Variants in PALLD observed in about 807,000 individuals in gnomAD.
The protein encoded by PALLD is palladin.
Under a neutral mutation model 123.5 loss-of-function variants are expected in PALLD, and 61 were observed. The observed-to-expected ratio is 0.49, with a 90% CI of 0.40 to 0.61. The LOEUF (loss-of-function observed/expected upper bound fraction) is 0.61. Ranked by LOEUF, PALLD falls within the 20% of genes least tolerant of loss-of-function variation. The probability of loss-of-function intolerance (pLI) is 0.00; values close to 1 mark genes in which losing one functional copy is unlikely to be tolerated. For missense variants in PALLD, 1,273 were observed against 1,377.0 expected (o/e 0.92, Z 1.20); for synonymous variants, 465 against 496.4 (o/e 0.94, Z 0.84).
At chr4:168,780,668 T>G (rs1246394673) in intron 10 of PALLD, among the ~76,000 whole-genome samples, 1 of 152,100 alleles carries the variant, frequency 6.6e-6, no homozygotes, top group Non-Finnish European at 1.5e-5. Context: ...TGCCCGCATG[T>G]GTAGTTTTGG....
At chr4:168,630,153 A>T (rs1775677168) in intron 2 of PALLD, among the ~76,000 whole-genome samples, 1 of 152,164 alleles carries the variant, frequency 6.6e-6, no homozygotes, top group African/African-American at 2.4e-5. Context: ...CTTGCTGGAG[A>T]TGAGAAAGGT....
intron 10 of PALLD, chr4:168,878,167 A>AC: frequency 3.5e-6 from 3 of 851,674 alleles, no homozygotes; most frequent in Admixed American, 4.0e-5. Flanking sequence ...CGCCCCCGCC[A>AC]CCCCCGGTCT....
At chr4:168,671,466 G>A (rs1780269560) in intron 3 of PALLD, among the ~76,000 whole-genome samples, 1 of 152,154 alleles carries the variant, frequency 6.6e-6, no homozygotes, top group African/African-American at 2.4e-5. Context: ...ACACCTTTGG[G>A]TACCTCTGAC....
chr4:168,822,973 G>C (rs1742932929), intron 10 of PALLD, among the ~76,000 whole-genome samples: 1 of 152,018 alleles, frequency 6.6e-6, no homozygotes, highest in South Asian at 2.1e-4. Flanking sequence ...AGATACCCAA[G>C]GATAGGGCTG....
intron 10 of PALLD, among the ~76,000 whole-genome samples, chr4:168,888,492 G>A (rs2151179992): frequency 6.6e-6 from 1 of 152,222 alleles, no homozygotes; most frequent in East Asian, 1.9e-4. Context: ...GGCACATATG[G>A]GTTCTCCTCT....
chr4:168,838,414 T>C (rs1014682129), intron 10 of PALLD, among the ~76,000 whole-genome samples: 3 of 152,054 alleles, frequency 2.0e-5, no homozygotes, highest in Non-Finnish European at 4.4e-5. Context: ...TGCTTCTGTT[T>C]TCTTAGTGGA....
intron 2 of PALLD, among the ~76,000 whole-genome samples, chr4:168,565,726 A>T (rs1164336121): frequency 6.6e-6 from 1 of 152,178 alleles, no homozygotes; most frequent in Non-Finnish European, 1.5e-5. Flanking sequence ...ATTAGTGAAT[A>T]ATATACTTTA....
intron 10 of PALLD, among the ~76,000 whole-genome samples, chr4:168,849,283 T>A (rs1747384194): frequency 6.6e-6 from 1 of 152,228 alleles, no homozygotes. Flanking sequence ...CAGCTTTCTG[T>A]TAAAGACTCA....
At position 168,878,477 on chromosome 4, in the gene PALLD, C is replaced by T. The variant is rs540369278; in HGVS notation, c.1965-12445C>T. 49 of 1,058,902 alleles carry T rather than the reference C, an allele frequency of 4.6e-5. No homozygotes were observed. The African/African-American group carries it at 7.5e-4, about 16-fold the overall frequency. 65.6% of individuals were successfully genotyped at this position (1,058,902 alleles called of 1,614,324 possible). A position where few individuals can be genotyped will look rare whatever the true frequency, so the allele number is the denominator to read the frequency against. On this transcript the variant is annotated intron_variant, in intron 10 of 21. Coordinates refer to ENST00000505667, the MANE Select transcript of PALLD (RefSeq NM_001166108.2). Reference sequence around the variant, plus strand: ...ACTCCCACATCTCCATACACGCGCTCCCATCAGCCTGCAACCCAGAGCGCC... The same window carrying T: ...ACTCCCACATCTCCATACACGCGCTTCCATCAGCCTGCAACCCAGAGCGCC...
At chr4:168,683,432 A>G (rs1219986022) in intron 5 of PALLD, among the ~76,000 whole-genome samples, 1 of 152,204 alleles carries the variant, frequency 6.6e-6, no homozygotes, top group East Asian at 1.9e-4. Flanking sequence ...TCTTTCATAT[A>G]GCCAAATTTA....
chr4:168,786,059 G>A (rs1305327947), intron 10 of PALLD, among the ~76,000 whole-genome samples: 3 of 151,956 alleles, frequency 2.0e-5, no homozygotes. Context: ...GCCGGGCGCA[G>A]TGGCTCATGC....
At chr4:168,633,039 TC>T (rs1421575653) in intron 2 of PALLD, among the ~76,000 whole-genome samples, 2 of 152,132 alleles carry the variant, frequency 1.3e-5, no homozygotes, top group Non-Finnish European at 2.9e-5. Flanking sequence ...ATTAAGAAAA[TC>T]ATCAGGATAT....
intron 2 of PALLD, among the ~76,000 whole-genome samples, chr4:168,606,075 CTG>C (rs1399119365): frequency 3.3e-5 from 5 of 152,176 alleles, no homozygotes; most frequent in Non-Finnish European, 7.3e-5. Flanking sequence ...TCCTCTTTCT[CTG>C]TGTCCTTGCC....
intron 10 of PALLD, among the ~76,000 whole-genome samples, chr4:168,726,858 T>G (rs57373880): frequency 0.017 from 2,564 of 152,212 alleles, 66 homozygotes; most frequent in African/African-American, 0.058. Flanking sequence ...AATAGGTAGT[T>G]TTTCAACCCA....
chr4:168,531,274 T>C (rs994526110), intron 2 of PALLD, among the ~76,000 whole-genome samples: 1 of 152,190 alleles, frequency 6.6e-6, no homozygotes, highest in Admixed American at 6.5e-5. Context: ...AGACTAGCTA[T>C]AAATTTTAAG....
intron 2 of PALLD, chr4:168,648,084 C>G (rs369945209): frequency 6.6e-6 from 1 of 152,096 alleles, no homozygotes; most frequent in African/African-American, 2.4e-5. Flanking sequence ...TGAACTCCCC[C>G]CTGACTCCTG....
intron 10 of PALLD, among the ~76,000 whole-genome samples, chr4:168,734,173 A>C (rs983260721): frequency 2.0e-5 from 3 of 152,342 alleles, no homozygotes; most frequent in East Asian, 3.9e-4. Flanking sequence ...TTGGCATCTT[A>C]ATTAGTAACA....
At chr4:168,877,708 T>A in intron 10 of PALLD, 2 of 1,121,610 alleles carry the variant, frequency 1.8e-6, no homozygotes, top group Non-Finnish European at 2.2e-6. Context: ...GTGTCACTTC[T>A]CTTTTTCCCC....
intron 2 of PALLD, among the ~76,000 whole-genome samples, chr4:168,633,552 GTTGT>G (rs1215675874): frequency 3.3e-5 from 5 of 152,108 alleles, no homozygotes; most frequent in African/African-American, 7.2e-5. Context: ...GTTTACATTT[GTTGT>G]TTATTTGTTG....
Sources: allele counts gnomAD v4.1 joint callset (sites outside exome capture counted in the v4.1 genomes callset), GRCh38; gene constraint gnomAD v4.1.1; transcripts MANE v1.5; gene names NCBI Gene and HGNC (gene_info 2026-07-23, HGNC 2026-07-21).